The following SPOCK3 variants were observed in gnomAD, a reference collection of about 807,000 sequenced individuals.
SPOCK3 encodes SPARC (osteonectin), cwcv and kazal like domains proteoglycan 3, also known as testican-3.
In SPOCK3, 30 loss-of-function variants were observed where a neutral mutation model predicts 56.6. The ratio of observed to expected loss-of-function variants is 0.53; its 90% CI spans 0.40 to 0.72. The LOEUF (loss-of-function observed/expected upper bound fraction) is 0.72. Ranked by LOEUF, SPOCK3 falls within the 30% of genes least tolerant of loss-of-function variation. The pLI is 0.00. For synonymous variants in SPOCK3, 196 were observed against 183.3 expected (o/e 1.07, Z -0.56); for missense variants, 527 against 530.0 (o/e 0.99, Z 0.06).
At chr4:166,955,610 GATTAAATTTAATATAATTTAATTAT>G (rs869260958) in intron 4 of SPOCK3, among the ~76,000 whole-genome samples, 1 of 136,424 alleles carries the variant, frequency 7.3e-6, no homozygotes, top group Non-Finnish European at 1.6e-5. Flanking sequence ...AATCAAATTA[GATTAAATTTAATATAATTTAATTAT>G]ATTAAATTTA....
intron 3 of SPOCK3, among the ~76,000 whole-genome samples, chr4:167,003,882 T>C (rs1749198438): frequency 6.6e-6 from 1 of 152,234 alleles, no homozygotes; most frequent in South Asian, 2.1e-4. Context: ...ATTCGCAGTG[T>C]AGGATCTCCC....
chr4:167,112,147 C>T (rs1328814420), intron 2 of SPOCK3, among the ~76,000 whole-genome samples: 1 of 152,102 alleles, frequency 6.6e-6, no homozygotes, highest in Non-Finnish European at 1.5e-5. Context: ...TGCTTTATCA[C>T]TCTTAAAAAC....
chr4:166,782,499 AAAT>A (rs1420713289), intron 7 of SPOCK3, among the ~76,000 whole-genome samples: 1 of 152,172 alleles, frequency 6.6e-6, no homozygotes, highest in Non-Finnish European at 1.5e-5. Flanking sequence ...ATAGTCCAAC[AAAT>A]AATAACAGAA....
chr4:167,116,895 A>G (rs1426980152), intron 2 of SPOCK3, among the ~76,000 whole-genome samples: 2 of 119,816 alleles, frequency 1.7e-5, no homozygotes, highest in Non-Finnish European at 3.4e-5. Flanking sequence ...ATACATATAT[A>G]CTTTTGTGTG....
intron 2 of SPOCK3, among the ~76,000 whole-genome samples, chr4:167,128,028 C>A (rs77220092): frequency 9.9e-4 from 151 of 152,074 alleles, no homozygotes; most frequent in African/African-American, 3.6e-3. Flanking sequence ...TCAATTATCA[C>A]CTTCCTCTCC....
At chr4:166,746,768 T>C (rs978488099) in intron 8 of SPOCK3, among the ~76,000 whole-genome samples, 1 of 151,730 alleles carries the variant, frequency 6.6e-6, no homozygotes, top group Non-Finnish European at 1.5e-5. Context: ...GAGAGAAGAA[T>C]CAAATAGATG....
intron 3 of SPOCK3, among the ~76,000 whole-genome samples, chr4:167,037,326 A>G (rs1245918096): frequency 6.6e-6 from 1 of 152,054 alleles, no homozygotes; most frequent in Non-Finnish European, 1.5e-5. Context: ...TACTAAAAAT[A>G]CAAAAATTAG....
chr4:167,068,709 T>G (rs78489518), intron 2 of SPOCK3, among the ~76,000 whole-genome samples: 5,319 of 151,918 alleles, frequency 0.035, 107 homozygotes, highest in African/African-American at 0.051. Context: ...TTTTATTTTT[T>G]TCAACTGTTC....
In SPOCK3 at chr4:167,202,352, A is replaced by G. The variant is rs538263206; in HGVS notation, c.189+31633T>C. On this transcript the variant is annotated intron_variant, in intron 2 of 10. Transcript: ENST00000357545. ...TACAGAATCACTTTATAGTCTTTATAAAGGTTTATATAGACATGAGAGAAA... is the reference window on the plus strand; with the variant it reads ...TACAGAATCACTTTATAGTCTTTATGAAGGTTTATATAGACATGAGAGAAA... Among the ~76,000 whole-genome samples, 13 of 152,108 alleles carry G rather than the reference A, an allele frequency of 8.5e-5. No individual in the cohort carries two copies. The South Asian group carries it at 2.7e-3, about 32-fold the overall frequency.
intron 4 of SPOCK3, among the ~76,000 whole-genome samples, chr4:166,924,262 G>C (rs1738823948): frequency 6.6e-6 from 1 of 152,022 alleles, no homozygotes. Context: ...GCCTATCAAA[G>C]ACTCTTTTCT....
Position 167,042,437 on chromosome 4 carries a change from T to C in SPOCK3, c.235+20055A>G, listed in dbSNP as rs549864919. On this transcript the variant is annotated intron_variant, in intron 3 of 10. Transcript: ENST00000357545. ...CTATGTCTGGATCAAATACATATGA[T>C]GTGGAGTTTGTGAAACTATAAAGTT... Among the ~76,000 whole-genome samples the C allele has an allele frequency of 3.9e-5, 6 of 152,272 alleles. No individual in the cohort carries two copies. The Middle Eastern group carries it at 0.01, about 259-fold the overall frequency.
chr4:167,219,875 T>C (rs1189680295), intron 2 of SPOCK3, among the ~76,000 whole-genome samples: 1 of 152,150 alleles, frequency 6.6e-6, no homozygotes, highest in East Asian at 1.9e-4. Flanking sequence ...CCATGTTCAG[T>C]GTTATTGTTC....
chr4:167,011,330 G>A (rs534825848), intron 3 of SPOCK3: 4 of 455,606 alleles, frequency 8.8e-6, no homozygotes, highest in African/African-American at 4.0e-5. Context: ...TGATTCAGGG[G>A]TTGTTGCCTT....
At chr4:167,152,782 C>G (rs1010327130) in intron 2 of SPOCK3, among the ~76,000 whole-genome samples, 3 of 152,092 alleles carry the variant, frequency 2.0e-5, no homozygotes, top group Non-Finnish European at 1.5e-5. Flanking sequence ...GTAATCCACT[C>G]TAATATCTAT....
chr4:167,173,928 G>A (rs1037075342), intron 2 of SPOCK3, among the ~76,000 whole-genome samples: 1 of 152,120 alleles, frequency 6.6e-6, no homozygotes, highest in African/African-American at 2.4e-5. Context: ...GTTTTAACTG[G>A]GAGAAAGCAA....
At chr4:167,023,418 C>T (rs1487645836) in intron 3 of SPOCK3, among the ~76,000 whole-genome samples, 6 of 151,558 alleles carry the variant, frequency 4.0e-5, no homozygotes, top group African/African-American at 1.5e-4. Flanking sequence ...ATAATTATAT[C>T]AATCATATGG....
intron 4 of SPOCK3, among the ~76,000 whole-genome samples, chr4:166,915,968 C>T (rs1737803933): frequency 6.6e-6 from 1 of 152,140 alleles, no homozygotes; most frequent in African/African-American, 2.4e-5. Flanking sequence ...GGTCTTCCAA[C>T]AGTAGCTCCA....
intron 4 of SPOCK3, among the ~76,000 whole-genome samples, chr4:166,986,186 T>G (rs1168201315): frequency 6.6e-6 from 1 of 152,220 alleles, no homozygotes; most frequent in Non-Finnish European, 1.5e-5. Context: ...TTTTTATGTA[T>G]GTAATTATTA....
At chr4:166,863,699 T>A (rs1731483042) in intron 6 of SPOCK3, among the ~76,000 whole-genome samples, 2 of 151,838 alleles carry the variant, frequency 1.3e-5, no homozygotes, top group African/African-American at 4.8e-5. Flanking sequence ...AGGCAGAACA[T>A]AATGGTAAAG....
Sources: gnomAD v4.1 joint callset for allele counts (sites outside exome capture counted in the v4.1 genomes callset) on GRCh38, gnomAD v4.1.1 for gene constraint, MANE v1.5 for transcripts, NCBI Gene and HGNC (gene_info 2026-07-23, HGNC 2026-07-21) for gene names.